GRIP1: variants seen among roughly 807,000 people sequenced by gnomAD.
GRIP1 encodes glutamate receptor-interacting protein 1.
A neutral mutation model predicts 129.9 loss-of-function variants in GRIP1; 45 were observed. That is an observed-to-expected ratio of 0.35 (90% CI 0.27 to 0.44). The LOEUF is 0.44. Ranked by LOEUF, GRIP1 falls within the 20% of genes least tolerant of loss-of-function variation. GRIP1 has a pLI of 1.00. For missense variants in GRIP1, 1,196 were observed against 1,396.8 expected (o/e 0.86, Z 2.29); for synonymous variants, 530 against 520.8 (o/e 1.02, Z -0.24).
chr12:66,990,163 T>A (rs546248498), intron 1 of GRIP1, among the ~76,000 whole-genome samples: 2 of 152,312 alleles, frequency 1.3e-5, no homozygotes, highest in South Asian at 4.1e-4. Flanking sequence ...GTTCTGATGA[T>A]CAGGCAAAGG....
intron 1 of GRIP1, among the ~76,000 whole-genome samples, chr12:66,778,653 A>G (rs1191424742): frequency 6.6e-6 from 1 of 152,248 alleles, no homozygotes; most frequent in African/African-American, 2.4e-5. Flanking sequence ...CACCCTATAA[A>G]GAAACAAATC....
At position 66,912,828 on chromosome 12, in the gene GRIP1, G is replaced by A. The variant is rs187672289; in HGVS notation, c.58+156222C>T. Among the ~76,000 whole-genome samples, 42 of 152,124 alleles carry A rather than the reference G, an allele frequency of 2.8e-4. No homozygotes were observed. In the South Asian group the frequency reaches 5.2e-3, roughly 19 times the overall value. On this transcript the variant is annotated intron_variant, in intron 1 of 1. Transcript: ENST00000643019. ...GAACCATGATCATTAATTTATGAGCGGAACCTAAATTAATAGAAAAGGCAT... is the reference window on the plus strand; with the variant it reads ...GAACCATGATCATTAATTTATGAGCAGAACCTAAATTAATAGAAAAGGCAT...
chr12:67,061,701 T>C (rs529464131), intron 1 of GRIP1, among the ~76,000 whole-genome samples: 4 of 152,186 alleles, frequency 2.6e-5, no homozygotes, highest in Non-Finnish European at 5.9e-5. Flanking sequence ...ATTTTTCCTT[T>C]AAGAATAGGT....
At chr12:66,854,996 G>A (rs1566052519) in intron 1 of GRIP1, among the ~76,000 whole-genome samples, 2 of 152,094 alleles carry the variant, frequency 1.3e-5, no homozygotes, top group East Asian at 3.9e-4. Context: ...ACTACTTGAA[G>A]TGATGTTTTC....
chr12:66,596,976 T>TG, intron 1 of GRIP1, 49 bp from the exon 2 acceptor site: 1 of 1,229,136 alleles, frequency 8.1e-7, no homozygotes, highest in Non-Finnish European at 1.2e-6. Context: ...CAGTTTCTAA[T>TG]GCAGTGAAGA....
intron 18 of GRIP1, 57 bp from the exon 19 acceptor site, chr12:66,392,559 A>G (rs2056633517): frequency 6.3e-7 from 1 of 1,585,370 alleles, no homozygotes; most frequent in African/African-American, 1.3e-5. Context: ...AAAATATACC[A>G]AGATACTCCG....
At chr12:66,402,087 C>G (rs2057022743) in intron 16 of GRIP1, among the ~76,000 whole-genome samples, 1 of 152,226 alleles carries the variant, frequency 6.6e-6, no homozygotes, top group African/African-American at 2.4e-5. Flanking sequence ...TGAGCCATAT[C>G]TGCCTACTAG....
At chr12:66,667,160 G>T (rs2033843472) in intron 1 of GRIP1, among the ~76,000 whole-genome samples, 1 of 152,034 alleles carries the variant, frequency 6.6e-6, no homozygotes, top group African/African-American at 2.4e-5. Context: ...ATGCTTTTTA[G>T]GTTGATGTTG....
At chr12:66,603,003 G>A (rs2064349964) in intron 1 of GRIP1, among the ~76,000 whole-genome samples, 1 of 151,256 alleles carries the variant, frequency 6.6e-6, no homozygotes, top group Non-Finnish European at 1.5e-5. Flanking sequence ...GATTGCAGGT[G>A]CATGCCACCA....
chr12:66,591,707 G>A (rs1200559079), intron 2 of GRIP1, among the ~76,000 whole-genome samples: 1 of 152,028 alleles, frequency 6.6e-6, no homozygotes, highest in Non-Finnish European at 1.5e-5. Context: ...AAGATTCACT[G>A]CAGCCTTGAT....
intron 14 of GRIP1, among the ~76,000 whole-genome samples, chr12:66,431,792 A>G (rs2058155658): frequency 2.0e-5 from 3 of 152,198 alleles, no homozygotes; most frequent in Admixed American, 6.5e-5. Context: ...TTTCCATTCT[A>G]TGAAAGTCCA....
At chr12:66,983,016 G>C (rs1336794596) in intron 1 of GRIP1, among the ~76,000 whole-genome samples, 1 of 152,128 alleles carries the variant, frequency 6.6e-6, no homozygotes, top group African/African-American at 2.4e-5. Flanking sequence ...ATTAGCTTCT[G>C]GCACTTTTCC....
At chr12:66,621,560 G>A (rs1480891511) in intron 1 of GRIP1, among the ~76,000 whole-genome samples, 2 of 152,128 alleles carry the variant, frequency 1.3e-5, no homozygotes, top group Non-Finnish European at 2.9e-5. Flanking sequence ...TCTGAACAGT[G>A]AGGTACAAGT....
chr12:66,974,319 G>A (rs556850661), intron 1 of GRIP1, among the ~76,000 whole-genome samples: 6 of 152,204 alleles, frequency 3.9e-5, no homozygotes, highest in African/African-American at 1.2e-4. Context: ...CTCCTTGCTT[G>A]CTATCTTGTT....
intron 1 of GRIP1, among the ~76,000 whole-genome samples, chr12:66,723,695 T>C (rs1565988528): frequency 6.6e-6 from 1 of 152,076 alleles, no homozygotes; most frequent in African/African-American, 2.4e-5. Flanking sequence ...TGAGACACTG[T>C]AAAGCAACAC....
intron 1 of GRIP1, among the ~76,000 whole-genome samples, chr12:66,715,167 G>A (rs1380481787): frequency 6.6e-6 from 1 of 151,876 alleles, no homozygotes; most frequent in Non-Finnish European, 1.5e-5. Context: ...TACTGCCAAG[G>A]GCATAAACAT....
intron 13 of GRIP1, among the ~76,000 whole-genome samples, chr12:66,435,822 T>C (rs1173273460): frequency 6.6e-6 from 1 of 152,242 alleles, no homozygotes; most frequent in African/African-American, 2.4e-5. Flanking sequence ...ACATGAGATT[T>C]GAAATATTCA....
chr12:66,471,243 A>G (rs1233822338), intron 7 of GRIP1, among the ~76,000 whole-genome samples: 1 of 152,228 alleles, frequency 6.6e-6, no homozygotes, highest in Non-Finnish European at 1.5e-5. Flanking sequence ...ATACAAAGAA[A>G]CAACCAGGAA....
chr12:66,641,399 G>A (rs1300546193), intron 1 of GRIP1, among the ~76,000 whole-genome samples: 1 of 152,184 alleles, frequency 6.6e-6, no homozygotes, highest in Non-Finnish European at 1.5e-5. Context: ...GGAGGAAGGG[G>A]TGGGCCTGGA....
Sources: allele counts gnomAD v4.1 joint callset (sites outside exome capture counted in the v4.1 genomes callset), GRCh38; gene constraint gnomAD v4.1.1; transcripts MANE v1.5; gene names NCBI Gene and HGNC (gene_info 2026-07-23, HGNC 2026-07-21).